GLRA3: variants seen among roughly 807,000 people sequenced by gnomAD.
GLRA3 encodes the protein glycine receptor subunit alpha-3.
A neutral mutation model predicts 60.4 loss-of-function variants in GLRA3; 44 were observed. The ratio of observed to expected loss-of-function variants is 0.73; its 90% CI spans 0.57 to 0.94. The LOEUF (loss-of-function observed/expected upper bound fraction) is 0.94. Ranked by LOEUF, GLRA3 falls within the 40% of genes least tolerant of loss-of-function variation. GLRA3 has a pLI of 0.00. For synonymous variants in GLRA3, 223 were observed against 192.9 expected (o/e 1.16, Z -1.29); for missense variants, 508 against 564.6 (o/e 0.90, Z 1.02).
At chr4:174,678,386 TTTTA>T (rs1375283146) in intron 6 of GLRA3, among the ~76,000 whole-genome samples, 5 of 152,188 alleles carry the variant, frequency 3.3e-5, no homozygotes, top group African/African-American at 1.2e-4. Context: ...GTTTAATTGT[TTTTA>T]TTTGAGTTAT....
At chr4:174,664,608 T>C (rs7691178) in intron 7 of GLRA3, among the ~76,000 whole-genome samples, 11,816 of 152,202 alleles carry the variant, frequency 0.078, 1,513 homozygotes, top group African/African-American at 0.27. Flanking sequence ...CCTTATACTG[T>C]CATCACACTG....
chr4:174,804,349 G>A (rs553581874), intron 1 of GLRA3, among the ~76,000 whole-genome samples: 2 of 152,224 alleles, frequency 1.3e-5, no homozygotes, highest in South Asian at 4.1e-4. Flanking sequence ...AGGCTGGAGA[G>A]CACTACAAGT....
intron 1 of GLRA3, among the ~76,000 whole-genome samples, chr4:174,789,147 C>G (rs944197077): frequency 1.1e-4 from 16 of 152,178 alleles, no homozygotes; most frequent in African/African-American, 3.9e-4. Flanking sequence ...CTATTCAGTC[C>G]AATTGTCAGA....
rs542669937 is a variant in GLRA3, at chr4:174,717,213, T to TA, written c.492-1644dup. On this transcript the variant is annotated intron_variant, in intron 4 of 9. Transcript: ENST00000274093. The stretch of plus-strand genomic sequence containing the variant: ...GGTGACAGAGCAAGATCTTGTCTCT[T>TA]AAAAAAAAAAAAAAGAAAGGAAGGC... Among the ~76,000 whole-genome samples the TA allele has an allele frequency of 6.4e-4, 68 of 106,040 alleles. No individual in the cohort carries two copies. The East Asian group carries it at 9.1e-3, about 14-fold the overall frequency. 69.6% of individuals were successfully genotyped at this position (106,040 alleles called of 152,430 possible). A position where few individuals can be genotyped will look rare whatever the true frequency, so the allele number is the denominator to read the frequency against.
At chr4:174,804,425 C>T (rs1043223185) in intron 1 of GLRA3, among the ~76,000 whole-genome samples, 1 of 152,140 alleles carries the variant, frequency 6.6e-6, no homozygotes, top group Non-Finnish European at 1.5e-5. Context: ...CATTAAGAGA[C>T]AATTCTAGTG....
intron 3 of GLRA3, among the ~76,000 whole-genome samples, chr4:174,744,187 C>T (rs143859916): frequency 7.2e-5 from 11 of 152,374 alleles, no homozygotes; most frequent in Non-Finnish European, 1.6e-4. Flanking sequence ...GCAACACCAC[C>T]GTGCGGTGCT....
chr4:174,741,967 T>C (rs1306734064), intron 3 of GLRA3, among the ~76,000 whole-genome samples: 1 of 152,164 alleles, frequency 6.6e-6, no homozygotes, highest in African/African-American at 2.4e-5. Context: ...ATATAAAATG[T>C]TTTTTCTTTT....
chr4:174,737,339 A>C (rs1736840336), intron 3 of GLRA3, among the ~76,000 whole-genome samples: 1 of 152,238 alleles, frequency 6.6e-6, no homozygotes, highest in Non-Finnish European at 1.5e-5. Flanking sequence ...AACACGTAGT[A>C]GCTTGGCATT....
In GLRA3 at chr4:174,821,622, T is replaced by C. The variant is rs185323799; in HGVS notation, c.71+7119A>G. On this transcript the variant is annotated intron_variant, in intron 1 of 9. Transcript: ENST00000274093. The stretch of plus-strand genomic sequence containing the variant: ...GGTATTACAATTTCTTGGAAGTCAG[T>C]TACAAAAAATGTCTACAAAAGGTGC... Among the ~76,000 whole-genome samples, 733 of 152,212 alleles carry C rather than the reference T, an allele frequency of 4.8e-3. 6 individuals carry two copies. The highest frequency in any genetic ancestry group is 0.016 in the African/African-American group (666 of 41,548).
chr4:174,767,129 C>A (rs1290594330), intron 2 of GLRA3, 99 bp from the exon 3 acceptor site: 2 of 410,834 alleles, frequency 4.9e-6, no homozygotes, highest in Non-Finnish European at 9.1e-6. Flanking sequence ...ATTTTACACA[C>A]ACACACACAC....
At chr4:174,702,682 C>T (rs1259625070) in intron 5 of GLRA3, among the ~76,000 whole-genome samples, 1 of 152,192 alleles carries the variant, frequency 6.6e-6, no homozygotes, top group Non-Finnish European at 1.5e-5. Context: ...GTCCTTTCAC[C>T]TCAGCCTCCT....
At chr4:174,679,035 C>T (rs1734234822) in intron 6 of GLRA3, among the ~76,000 whole-genome samples, 1 of 152,054 alleles carries the variant, frequency 6.6e-6, no homozygotes, top group East Asian at 1.9e-4. Context: ...TTCAAAATCA[C>T]TAATCATCAG....
chr4:174,660,949 C>T (rs1733410147), intron 7 of GLRA3, among the ~76,000 whole-genome samples: 1 of 152,156 alleles, frequency 6.6e-6, no homozygotes. Flanking sequence ...TGACAAGTCG[C>T]CCTCATTATT....
At chr4:174,711,445 A>ATAT (rs1203948232) in intron 5 of GLRA3, among the ~76,000 whole-genome samples, 38 of 142,794 alleles carry the variant, frequency 2.7e-4, no homozygotes, top group African/African-American at 8.9e-4. Context: ...ATATATATAT[A>ATAT]TTTTTTTTTT....
intron 9 of GLRA3, among the ~76,000 whole-genome samples, chr4:174,652,194 C>T (rs1198646206): frequency 6.6e-6 from 1 of 152,012 alleles, no homozygotes; most frequent in Non-Finnish European, 1.5e-5. Context: ...CTTACGTGTG[C>T]AGTGATATTC....
At chr4:174,828,447 C>T (rs1006544789) in intron 1 of GLRA3, among the ~76,000 whole-genome samples, 1 of 152,082 alleles carries the variant, frequency 6.6e-6, no homozygotes, top group African/African-American at 2.4e-5. Flanking sequence ...AAAACGGGAA[C>T]TTTAAAAGCA....
intron 4 of GLRA3, among the ~76,000 whole-genome samples, chr4:174,718,864 G>A (rs141754409): frequency 7.9e-5 from 12 of 151,332 alleles, no homozygotes; most frequent in Non-Finnish European, 1.6e-4. Flanking sequence ...TTAGAGATGA[G>A]GAAACTTAGA....
chr4:174,771,364 C>A (rs1225905484), intron 2 of GLRA3, among the ~76,000 whole-genome samples: 2 of 152,034 alleles, frequency 1.3e-5, no homozygotes, highest in Non-Finnish European at 2.9e-5. Context: ...GGCTGACTGG[C>A]ATCCTTGAAA....
intron 1 of GLRA3, among the ~76,000 whole-genome samples, chr4:174,810,755 C>CA (rs1464090233): frequency 6.6e-6 from 1 of 152,050 alleles, no homozygotes; most frequent in Non-Finnish European, 1.5e-5. Context: ...GGTTATATAT[C>CA]AATTACCACA....
Sources: allele counts gnomAD v4.1 joint callset (sites outside exome capture counted in the v4.1 genomes callset), GRCh38; gene constraint gnomAD v4.1.1; transcripts MANE v1.5; gene names NCBI Gene and HGNC (gene_info 2026-07-23, HGNC 2026-07-21).